MIS18BP1: variants seen among roughly 807,000 people sequenced by gnomAD.
The protein encoded by MIS18BP1 is mis18-binding protein 1.
In MIS18BP1, 72 loss-of-function variants were observed where a neutral mutation model predicts 116.1. The ratio of observed to expected loss-of-function variants is 0.62; its 90% CI spans 0.51 to 0.75. The LOEUF (loss-of-function observed/expected upper bound fraction) is 0.75, where lower values mean the gene tolerates loss of function less well. Among genes scored for constraint, MIS18BP1 ranks in the 30% least tolerant of loss-of-function variants. The pLI, the probability that MIS18BP1 is intolerant of heterozygous loss-of-function variation, is 0.00. For missense variants in MIS18BP1, 1,363 were observed against 1,303.2 expected (o/e 1.05, Z -0.71); for synonymous variants, 386 against 427.0 (o/e 0.90, Z 1.18).
chr14:45,217,142 C>T lies in MIS18BP1; in HGVS notation c.2880G>A (p.Lys960=). ...RGDADQKQTI[K]ITAKVGTLKR... is the part of the protein sequence containing the mutation. The stretch of plus-strand genomic sequence containing the variant: ...TAAGAGTTCCCACTTTGGCAGTTAT[C>T]TTAATAGTTTGTTTCTGATCAGCAT... Residue 960 remains lysine, a synonymous_variant, in exon 13 of 17, where the codon AAG becomes AAA. Coordinates refer to ENST00000310806, the MANE Select transcript of MIS18BP1 (RefSeq NM_018353.5). 1 of 1,614,108 alleles carries T rather than the reference C, an allele frequency of 6.2e-7. No homozygotes were observed. The highest frequency in any genetic ancestry group is 8.5e-7 in the Non-Finnish European group (1 of 1,180,000).
At chr14:45,219,088 T>C (rs1158726323) in intron 11 of MIS18BP1, among the ~76,000 whole-genome samples, 2 of 152,118 alleles carry the variant, frequency 1.3e-5, no homozygotes, top group South Asian at 2.1e-4. Flanking sequence ...ACCCCCACTC[T>C]CCCCATAAAG....
In MIS18BP1 at chr14:45,204,210, A is replaced by G. The variant is rs750914794; in HGVS notation, c.3298T>C (p.Leu1100=). ...PRRKTPFNTD[L]GENSGIGKLF... ...TTTCCAATACCAGAGTTTTCTCCTA[A>G]GTCTGTAAAGAGAAGTTTAATAAAA... The change falls in exon 17 of 17, where the codon TTA becomes CTA. Residue 1100 remains leucine (L), a splice_region_variant and synonymous_variant. Coordinates refer to ENST00000310806, the MANE Select transcript of MIS18BP1 (RefSeq NM_018353.5). The G allele has an allele frequency of 3.8e-6, 6 of 1,596,896 alleles. No homozygotes were observed. Among genetic ancestry groups the G allele is most frequent in the Non-Finnish European group, 4.3e-6 (5 of 1,175,210 alleles).
intron 14 of MIS18BP1, among the ~76,000 whole-genome samples, chr14:45,207,339 A>G (rs373202707): frequency 2.0e-4 from 31 of 152,346 alleles, no homozygotes; most frequent in African/African-American, 7.2e-4. Context: ...ACTGCTGTAT[A>G]GCAATGAATA....
intron 11 of MIS18BP1, 45 bp from the exon 12 acceptor site, chr14:45,218,499 A>G (rs750806313): frequency 6.5e-7 from 1 of 1,527,140 alleles, no homozygotes; most frequent in Non-Finnish European, 8.8e-7. Context: ...ATTCAAACCA[A>G]TGACAATAAC....
chr14:45,231,401 T>C, intron 7 of MIS18BP1, 103 bp from the exon 8 acceptor site: 1 of 999,152 alleles, frequency 1.0e-6, no homozygotes, highest in Non-Finnish European at 1.4e-6. Context: ...TAAAGCTCTT[T>C]CCACCCAGGC....
At chr14:45,248,108 C>T (rs1158469361) in intron 1 of MIS18BP1, among the ~76,000 whole-genome samples, 1 of 146,744 alleles carries the variant, frequency 6.8e-6, no homozygotes, top group Admixed American at 6.9e-5. Context: ...TCTTGTTGCC[C>T]AGGCTGGAGT....
intron 1 of MIS18BP1, among the ~76,000 whole-genome samples, chr14:45,250,483 G>A (rs1436345859): frequency 6.6e-6 from 1 of 152,196 alleles, no homozygotes; most frequent in East Asian, 1.9e-4. Flanking sequence ...CCCGCAAGTG[G>A]AGGAAAGAAC....
intron 1 of MIS18BP1, among the ~76,000 whole-genome samples, chr14:45,251,011 T>C (rs551612912): frequency 1.6e-5 from 2 of 127,380 alleles, no homozygotes; most frequent in East Asian, 2.3e-4. Flanking sequence ...CACTCCAGCA[T>C]GGGCGAGACA....
chr14:45,234,436 C>A (rs1305815808), intron 6 of MIS18BP1, among the ~76,000 whole-genome samples: 1 of 151,970 alleles, frequency 6.6e-6, no homozygotes, highest in African/African-American at 2.4e-5. Flanking sequence ...AATGGAGAGG[C>A]TGACATAGAC....
At chr14:45,220,606 A>G (rs1181903523) in intron 11 of MIS18BP1, among the ~76,000 whole-genome samples, 1 of 152,084 alleles carries the variant, frequency 6.6e-6, no homozygotes, top group African/African-American at 2.4e-5. Flanking sequence ...TAACCCTTTG[A>G]GTTGGCTTTT....
At position 45,247,229 on chromosome 14, in the gene MIS18BP1, G is replaced by T; in HGVS notation, c.58C>A (p.Gln20Lys). The T allele has an allele frequency of 6.2e-7, 1 of 1,610,644 alleles. No homozygotes were observed. The highest frequency in any genetic ancestry group is 1.1e-5 in the South Asian group (1 of 90,356). Reference protein sequence around the residue: ...RIYLPPEASSQRRNLPMDAIF... With the variant: ...RIYLPPEASSKRRNLPMDAIF... ...GCATCCATGGGTAGATTTCTCCTTTGAGAAGATGCCTCTGGAGGTAAGTAA... is the reference window on the plus strand; with the variant it reads ...GCATCCATGGGTAGATTTCTCCTTTTAGAAGATGCCTCTGGAGGTAAGTAA... The change falls in exon 2 of 17, where the codon CAA becomes AAA. Residue 20 changes from glutamine to lysine, a missense_variant. Coordinates refer to ENST00000310806, the MANE Select transcript of MIS18BP1 (RefSeq NM_018353.5).
In MIS18BP1 at chr14:45,231,121, G is replaced by A. The variant is rs1891261831; in HGVS notation, c.1594+20C>T. On this transcript the variant is annotated intron_variant, in intron 8 of 16. Transcript: ENST00000310806. ...AGAACTTAACCACTGTACCAACAGAGAAGTAAAGACAAAACATACCCAAAT... is the reference window on the plus strand; with the variant it reads ...AGAACTTAACCACTGTACCAACAGAAAAGTAAAGACAAAACATACCCAAAT... 3 of 1,608,750 alleles carry A rather than the reference G, an allele frequency of 1.9e-6. No homozygotes were observed. In the African/African-American group the frequency reaches 4.0e-5, roughly 22 times the overall value.
chr14:45,233,525 G>A (rs1891344591), intron 6 of MIS18BP1, among the ~76,000 whole-genome samples: 1 of 152,168 alleles, frequency 6.6e-6, no homozygotes, highest in Admixed American at 6.6e-5. Context: ...ACCTGTGGAA[G>A]AGCAAGGGAA....
chr14:45,229,044 T>C (rs1245942031), intron 8 of MIS18BP1, among the ~76,000 whole-genome samples: 1 of 151,364 alleles, frequency 6.6e-6, no homozygotes, highest in Non-Finnish European at 1.5e-5. Context: ...AACAGTTTCA[T>C]TAAGAAAAGA....
Position 45,235,955 on chromosome 14 carries a change from A to G in MIS18BP1, c.1218-11T>C, listed in dbSNP as rs1329962098. The G allele has an allele frequency of 6.3e-7, 1 of 1,592,046 alleles. No individual in the cohort carries two copies. The highest frequency in any genetic ancestry group is 1.4e-5 in the African/African-American group (1 of 73,576). ...ATGTTAGTGACGTCTCTAGGAAAAAAAAATAGTTTTGGTAAGGTCAAAATA... is the reference window on the plus strand; with the variant it reads ...ATGTTAGTGACGTCTCTAGGAAAAAGAAATAGTTTTGGTAAGGTCAAAATA... On this transcript the variant is annotated splice_polypyrimidine_tract_variant and intron_variant, in intron 5 of 16. Coordinates refer to ENST00000310806, the MANE Select transcript of MIS18BP1 (RefSeq NM_018353.5).
intron 1 of MIS18BP1, among the ~76,000 whole-genome samples, chr14:45,251,102 G>C (rs1020499961): frequency 6.7e-6 from 1 of 149,600 alleles, no homozygotes; most frequent in Non-Finnish European, 1.5e-5. Flanking sequence ...ACTGCATAAT[G>C]ACATCAAACC....
chr14:45,204,264 A>T, intron 16 of MIS18BP1, 52 bp from the exon 17 acceptor site: 1 of 1,549,770 alleles, frequency 6.5e-7, no homozygotes, highest in Non-Finnish European at 8.7e-7. Flanking sequence ...AGTACTTTCA[A>T]TAAAACTGAA....
chr14:45,244,581 G>A (rs891666333), intron 2 of MIS18BP1, among the ~76,000 whole-genome samples: 9 of 152,208 alleles, frequency 5.9e-5, no homozygotes, highest in African/African-American at 2.2e-4. Context: ...TTCTACACCA[G>A]CATCTTAGCA....
intron 1 of MIS18BP1, among the ~76,000 whole-genome samples, chr14:45,252,640 C>G (rs1228176954): frequency 6.6e-6 from 1 of 152,038 alleles, no homozygotes; most frequent in Non-Finnish European, 1.5e-5. Flanking sequence ...ATGTTTGCAA[C>G]AAGCATGCAA....
Sources: allele counts gnomAD v4.1 joint callset (sites outside exome capture counted in the v4.1 genomes callset), GRCh38; gene constraint gnomAD v4.1.1; transcripts MANE v1.5; gene names NCBI Gene and HGNC (gene_info 2026-07-23, HGNC 2026-07-21).